The following PLA2G10 variants were observed in gnomAD, a reference collection of about 807,000 sequenced individuals.
PLA2G10 encodes group 10 secretory phospholipase A2.
A neutral mutation model predicts 7.9 loss-of-function variants in PLA2G10; 9 were observed. That is an observed-to-expected ratio of 1.14 (90% CI 0.68 to 1.98). The LOEUF (loss-of-function observed/expected upper bound fraction) is 1.98. Among genes scored for constraint, PLA2G10 ranks in the 30% most tolerant of loss-of-function variants. The pLI is 0.00. For synonymous variants in PLA2G10, 19 were observed against 27.5 expected, an observed-to-expected ratio of 0.69 and a Z score of 0.97; for missense variants, 53 against 65.4, an observed-to-expected ratio of 0.81 and a Z score of 0.66.
intron 3 of PLA2G10, among the ~76,000 whole-genome samples, chr16:14,681,691 A>G (rs776603860): frequency 2.6e-5 from 4 of 151,960 alleles, no homozygotes; most frequent in Non-Finnish European, 4.4e-5. Context: ...CTATGTTCAG[A>G]ATATCTCCAA....
intron 3 of PLA2G10, among the ~76,000 whole-genome samples, chr16:14,684,016 T>C (rs1597014470): frequency 6.6e-6 from 1 of 152,008 alleles, no homozygotes; most frequent in Non-Finnish European, 1.5e-5. Context: ...GGCAGAAGGA[T>C]TGCTTGAAGC....
intron 3 of PLA2G10, among the ~76,000 whole-genome samples, chr16:14,687,613 A>C (rs983384152): frequency 1.3e-5 from 2 of 152,060 alleles, no homozygotes; most frequent in Non-Finnish European, 1.5e-5. Context: ...TTATTATCTG[A>C]TGCCATTTCT....
At chr16:14,681,165 AAGAAAAGAAAAG>A (rs1267780755) in intron 3 of PLA2G10, among the ~76,000 whole-genome samples, 2 of 151,250 alleles carry the variant, frequency 1.3e-5, no homozygotes, top group Non-Finnish European at 1.5e-5. Flanking sequence ...CTCTATCTCA[AAGAAAAGAAAAG>A]AGAAAAGAAA....
intron 3 of PLA2G10, among the ~76,000 whole-genome samples, chr16:14,675,387 A>G (rs754262215): frequency 3.9e-5 from 6 of 152,194 alleles, no homozygotes; most frequent in Middle Eastern, 3.4e-3. Context: ...AAAACCTTGG[A>G]AAAACTCCCC....
At chr16:14,701,716 C>G in the PLA2G10 span, 1 of 12,888 alleles carries the variant, frequency 7.8e-5, no homozygotes, top group African/African-American at 1.7e-4. Context: ...TCTACCATCT[C>G]TACCAAACAC....
intron 3 of PLA2G10, among the ~76,000 whole-genome samples, chr16:14,679,706 CTCAG>C (rs1445610074): frequency 6.6e-6 from 1 of 151,342 alleles, no homozygotes; most frequent in Non-Finnish European, 1.5e-5. Flanking sequence ...CAAAAATTAG[CTCAG>C]CATGGTGGCA....
Sources: allele counts gnomAD v4.1 joint callset (sites outside exome capture counted in the v4.1 genomes callset), GRCh38; gene constraint gnomAD v4.1.1; transcripts MANE v1.5; gene names NCBI Gene and HGNC (gene_info 2026-07-23, HGNC 2026-07-21).